FCER2: variants seen among roughly 807,000 people sequenced by gnomAD.
FCER2 encodes low affinity immunoglobulin epsilon Fc receptor.
Under a neutral mutation model 49.7 loss-of-function variants are expected in FCER2, and 38 were observed. The ratio of observed to expected loss-of-function variants is 0.76; its 90% confidence interval spans 0.59 to 1.00. The LOEUF is 1.00. Ranked by LOEUF, FCER2 falls within the 50% of genes least tolerant of loss-of-function variation. The pLI is 0.00. For missense variants in FCER2, 425 were observed against 419.5 expected, an observed-to-expected ratio of 1.01 and a Z score of -0.11; for synonymous variants, 163 against 164.6, an observed-to-expected ratio of 0.99 and a Z score of 0.07.
At chr19:7,699,513 A>C in intron 2 of FCER2, 1 of 1,377,372 alleles carries the variant, frequency 7.3e-7, no homozygotes. Flanking sequence ...TTTTGTCAGG[A>C]GGGTGTTGAA....
chr19:7,699,569 G>T, intron 2 of FCER2, 170 bp downstream of exon 2: 1 of 1,211,164 alleles, frequency 8.3e-7, no homozygotes, highest in Non-Finnish European at 1.1e-6. Flanking sequence ...TCCTGGCTCT[G>T]TGCCAGGAAA....
intron 7 of FCER2, 45 bp from the exon 8 acceptor site, chr19:7,696,959 G>GC (rs1463413164): frequency 1.9e-6 from 3 of 1,557,920 alleles, no homozygotes; most frequent in Non-Finnish European, 2.6e-6. Flanking sequence ...CAACTGGCAG[G>GC]CCCCCTCCTT....
chr19:7,701,691 G>T (rs1260575149), intron 1 of FCER2, among the ~76,000 whole-genome samples: 2 of 152,042 alleles, frequency 1.3e-5, no homozygotes, highest in Non-Finnish European at 2.9e-5. Flanking sequence ...CCAACTCCAG[G>T]CCGTCCTTCT....
At position 7,699,720 on chromosome 19, in the gene FCER2, A is replaced by T; in HGVS notation, c.22+19T>A. 1 of 1,612,872 alleles carries T rather than the reference A, an allele frequency of 6.2e-7. No homozygotes were observed. The highest frequency in any genetic ancestry group is 8.5e-7 in the Non-Finnish European group (1 of 1,178,962). Reference sequence around the variant, plus strand: ...GGGTCATTGCTTCTGCCAACGTTAGAACCAGAGAGTCCTCCTACCTGAATA... The same window carrying T: ...GGGTCATTGCTTCTGCCAACGTTAGTACCAGAGAGTCCTCCTACCTGAATA... On this transcript the variant is annotated intron_variant, in intron 2 of 10. Transcript: ENST00000597921.
At position 7,699,543 on chromosome 19, in the gene FCER2, T is replaced by A. The variant is rs538350454; in HGVS notation, c.22+196A>T. On this transcript the variant is annotated intron_variant, in intron 2 of 10. Transcript: ENST00000597921. ...GTTGAATCAGAAAAAGGAGGGGCCCTCAATTTGCCACTCCTTCCTGGCTCT... is the reference window on the plus strand; with the variant it reads ...GTTGAATCAGAAAAAGGAGGGGCCCACAATTTGCCACTCCTTCCTGGCTCT... The A allele has an allele frequency of 2.5e-5, 32 of 1,305,674 alleles. No individual in the cohort carries two copies. In the African/African-American group the frequency reaches 4.6e-4, roughly 19 times the overall value. 80.9% of individuals were successfully genotyped at this position (1,305,674 alleles called of 1,614,324 possible). A position where few individuals can be genotyped will look rare whatever the true frequency, so the allele number is the denominator to read the frequency against.
chr19:7,691,981 C>T (rs908445369), intron 8 of FCER2, among the ~76,000 whole-genome samples: 3 of 133,208 alleles, frequency 2.3e-5, no homozygotes, highest in African/African-American at 6.1e-5. Context: ...TTCACATTCA[C>T]GTCCATCAAC....
intron 4 of FCER2, 132 bp from the exon 5 acceptor site, chr19:7,697,721 A>G (rs2033055256): frequency 1.4e-6 from 1 of 712,380 alleles, no homozygotes; most frequent in South Asian, 1.6e-5. Flanking sequence ...CATTTACTGG[A>G]GCAGGAGGAG....
At chr19:7,700,700 A>C (rs561767670) in intron 1 of FCER2, among the ~76,000 whole-genome samples, 1 of 151,768 alleles carries the variant, frequency 6.6e-6, no homozygotes, top group Admixed American at 6.6e-5. Flanking sequence ...TTTTTAGTAG[A>C]GACGGGTTTT....
At chr19:7,695,104 G>A (rs2032978148) in intron 8 of FCER2, among the ~76,000 whole-genome samples, 1 of 152,132 alleles carries the variant, frequency 6.6e-6, no homozygotes, top group African/African-American at 2.4e-5. Flanking sequence ...CCAAAGTGCT[G>A]GGACTATAGG....
At chr19:7,690,342 A>C in intron 9 of FCER2, 64 bp downstream of exon 9, 1 of 1,601,290 alleles carries the variant, frequency 6.2e-7, no homozygotes, top group South Asian at 1.1e-5. Context: ...GGTTGGGTAG[A>C]GTGGGGTGGG....
chr19:7,694,274 A>G (rs375072730), intron 8 of FCER2, among the ~76,000 whole-genome samples: 1 of 152,070 alleles, frequency 6.6e-6, no homozygotes, highest in African/African-American at 2.4e-5. Context: ...CCAAGATGAG[A>G]GGATCACTTG....
chr19:7,701,413 C>A (rs1489741886), intron 1 of FCER2, among the ~76,000 whole-genome samples: 1 of 152,098 alleles, frequency 6.6e-6, no homozygotes, highest in Non-Finnish European at 1.5e-5. Flanking sequence ...TCAGTTTGCT[C>A]ATCTGTAAAT....
At chr19:7,690,845 A>T (rs2032847832) in intron 8 of FCER2, among the ~76,000 whole-genome samples, 1 of 151,912 alleles carries the variant, frequency 6.6e-6, no homozygotes, top group Admixed American at 6.6e-5. Flanking sequence ...CATCTCCACA[A>T]ACACCTCATG....
Position 7,690,439 on chromosome 19 carries a change from C to A in FCER2, c.588G>T (p.Gly196=). 1 of 1,614,086 alleles carries A rather than the reference C, an allele frequency of 6.2e-7. No individual in the cohort carries two copies. The highest frequency in any genetic ancestry group is 8.5e-7 in the Non-Finnish European group (1 of 1,179,968). ...CCGGGCTGTGGATGCTGACCAGCTG[C>A]CCTTCCATGTCGTCACAGGCATACC... ...HARYACDDME[G]QLVSIHSPEE... The change falls in exon 9 of 11, where the codon GGG becomes GGT. Residue 196 remains glycine, a synonymous_variant. Transcript: ENST00000597921.
In FCER2 at chr19:7,690,351, G is replaced by C. The variant is rs542938135; in HGVS notation, c.621+55C>G. ...TCGAGAGGTTGGGTAGAGTGGGGTG[G>C]GGGTCCCCCCACCCTCGCCATGCTG... is the stretch of plus-strand genomic sequence containing the variant. On this transcript the variant is annotated intron_variant, in intron 9 of 10. Coordinates refer to ENST00000597921, the MANE Select transcript of FCER2 (RefSeq NM_001220500.2). 32 of 1,599,624 alleles carry C rather than the reference G, an allele frequency of 2.0e-5. No individual in the cohort carries two copies. The African/African-American group carries it at 4.2e-4, about 21-fold the overall frequency.
At chr19:7,698,319 C>A (rs771996075) in intron 4 of FCER2, 37 bp downstream of exon 4, 1 of 1,485,560 alleles carries the variant, frequency 6.7e-7, no homozygotes, top group Non-Finnish European at 9.2e-7. Context: ...GCATCCTAAC[C>A]CTCACCCCCA....
At chr19:7,692,448 A>T (rs1465786233) in intron 8 of FCER2, among the ~76,000 whole-genome samples, 2 of 151,730 alleles carry the variant, frequency 1.3e-5, no homozygotes, top group Non-Finnish European at 2.9e-5. Flanking sequence ...CACCAGCGCC[A>T]CGAACACATT....
chr19:7,698,717 A>T, intron 3 of FCER2, 24 bp downstream of exon 3: 1 of 1,608,544 alleles, frequency 6.2e-7, no homozygotes, highest in Non-Finnish European at 8.5e-7. Context: ...TGGGGGGACC[A>T]CATGGAGCTG....
intron 8 of FCER2, 115 bp from the exon 9 acceptor site, chr19:7,690,672 G>T: frequency 9.5e-7 from 1 of 1,058,074 alleles, no homozygotes; most frequent in Non-Finnish European, 1.4e-6. Context: ...GCTAAAAGCA[G>T]ACCCACCCCA....
Sources: gnomAD v4.1 joint callset for allele counts (sites outside exome capture counted in the v4.1 genomes callset) on GRCh38, gnomAD v4.1.1 for gene constraint, MANE v1.5 for transcripts, NCBI Gene and HGNC (gene_info 2026-07-23, HGNC 2026-07-21) for gene names.